COL4A2: variants seen among roughly 807,000 people sequenced by gnomAD.
COL4A2 encodes the protein collagen type IV alpha 2 chain.
A neutral mutation model predicts 200.2 loss-of-function variants in COL4A2; 99 were observed. That is an observed-to-expected ratio of 0.49 (90% CI 0.42 to 0.58). The LOEUF (loss-of-function observed/expected upper bound fraction) is 0.58, where lower values mean the gene tolerates loss of function less well. COL4A2 is among the 20% of genes least tolerant of loss of function. COL4A2 has a pLI of 0.00. For synonymous variants in COL4A2, 897 were observed against 900.6 expected, an observed-to-expected ratio of 1.00 and a Z score of 0.07; for missense variants, 1,950 against 2,314.1, an observed-to-expected ratio of 0.84 and a Z score of 3.23.
intron 4 of COL4A2, among the ~76,000 whole-genome samples, chr13:110,392,930 T>A (rs190900379): frequency 1.3e-5 from 2 of 152,344 alleles, no homozygotes; most frequent in Non-Finnish European, 2.9e-5. Context: ...GGTGGTTGAT[T>A]TTCATCCTCA....
intron 4 of COL4A2, among the ~76,000 whole-genome samples, chr13:110,363,800 G>A (rs1349284305): frequency 6.6e-6 from 1 of 152,214 alleles, no homozygotes. Context: ...CCCAAGGAGA[G>A]AATTGCGATG....
intron 17 of COL4A2, among the ~76,000 whole-genome samples, chr13:110,446,379 C>T (rs778996868): frequency 4.1e-4 from 62 of 152,272 alleles, no homozygotes; most frequent in Non-Finnish European, 6.5e-4. Context: ...AGGTGGTGCG[C>T]GGGATGCTGC....
chr13:110,457,082 G>T, intron 20 of COL4A2: 1 of 323,582 alleles, frequency 3.1e-6, no homozygotes, highest in East Asian at 5.8e-5. Flanking sequence ...GTCTGCGTGG[G>T]ACCCCAGGCG....
intron 4 of COL4A2, among the ~76,000 whole-genome samples, chr13:110,409,392 GT>G (rs1879743436): frequency 1.3e-5 from 2 of 152,334 alleles, no homozygotes; most frequent in Non-Finnish European, 2.9e-5. Flanking sequence ...CGGGTCTCTA[GT>G]TTCCCTCTCC....
At position 110,435,844 on chromosome 13, in the gene COL4A2, CT is replaced by C. The variant is rs1330811123; in HGVS notation, c.727-422del. Among the ~76,000 whole-genome samples the C allele has an allele frequency of 2.6e-5, 4 of 151,936 alleles. No homozygotes were observed. The East Asian group carries it at 7.7e-4, about 29-fold the overall frequency. On this transcript the variant is annotated intron_variant, in intron 12 of 47. Transcript: ENST00000360467. ...GATTTTTTTTATTATATAAAAACAT[CT>C]TTAGCTGGGGAAGTAGTCTTTCATT...
intron 40 of COL4A2, among the ~76,000 whole-genome samples, chr13:110,499,684 T>C (rs1883578334): frequency 6.6e-6 from 1 of 152,234 alleles, no homozygotes; most frequent in Non-Finnish European, 1.5e-5. Context: ...GTGAGACTCT[T>C]TTATGTCAGT....
Position 110,402,456 on chromosome 13 carries a change from A to T in COL4A2, c.181-22278A>T, listed in dbSNP as rs954630120. Among the ~76,000 whole-genome samples, 3 of 152,126 alleles carry T rather than the reference A, an allele frequency of 2.0e-5. No individual in the cohort carries two copies. The East Asian group carries it at 5.8e-4, about 29-fold the overall frequency. ...GACTCCATATCCGCCTTCTGGACAC[A>T]CTGGGGTGGGGATTGGTTCCTTGAG... is the stretch of plus-strand genomic sequence containing the variant. On this transcript the variant is annotated intron_variant, in intron 4 of 47. Transcript: ENST00000360467.
At position 110,462,091 on chromosome 13, in the gene COL4A2, ATTTT is replaced by A; in HGVS notation, c.1597-19_1597-16del. The A allele has an allele frequency of 6.2e-7, 1 of 1,612,688 alleles. No homozygotes were observed. Among genetic ancestry groups the A allele is most frequent in the Non-Finnish European group, 8.5e-7 (1 of 1,179,972 alleles). On this transcript the variant is annotated intron_variant, in intron 22 of 47. Coordinates refer to ENST00000360467, the MANE Select transcript of COL4A2 (RefSeq NM_001846.4). ...CCCTCACAGTACAAAGAAGGAAGAT[ATTTT>A]TTTGTCTGTTTTCCACAGGGAGTGC...
At chr13:110,312,384 C>T (rs1340589945) in intron 3 of COL4A2, among the ~76,000 whole-genome samples, 1 of 151,844 alleles carries the variant, frequency 6.6e-6, no homozygotes, top group East Asian at 1.9e-4. Flanking sequence ...GGAAAAGGTT[C>T]TAGAATAGAA....
At chr13:110,448,446 C>T (rs571503874) in intron 18 of COL4A2, among the ~76,000 whole-genome samples, 35 of 152,236 alleles carry the variant, frequency 2.3e-4, no homozygotes, top group African/African-American at 7.2e-4. Context: ...ACAACATTCC[C>T]GAGTTATTGG....
At chr13:110,495,685 C>T (rs1184243083) in intron 40 of COL4A2, among the ~76,000 whole-genome samples, 1 of 152,214 alleles carries the variant, frequency 6.6e-6, no homozygotes, top group Admixed American at 6.5e-5. Context: ...GCACTGACCA[C>T]CCATCCCGTG....
At chr13:110,409,817 GC>G (rs1016768271) in intron 4 of COL4A2, among the ~76,000 whole-genome samples, 1 of 152,096 alleles carries the variant, frequency 6.6e-6, no homozygotes, top group African/African-American at 2.4e-5. Flanking sequence ...TTCAGCATTC[GC>G]CCAAATAATC....
At chr13:110,469,376 T>C (rs1594091588) in intron 28 of COL4A2, 52 bp downstream of exon 28, 31 of 1,511,786 alleles carry the variant, frequency 2.1e-5, no homozygotes, top group African/African-American at 1.1e-4. Context: ...CGGGAACCTG[T>C]GTGTGATTCA....
chr13:110,329,572 A>G (rs905755280), intron 3 of COL4A2, among the ~76,000 whole-genome samples: 6 of 152,210 alleles, frequency 3.9e-5, no homozygotes, highest in African/African-American at 1.2e-4. Context: ...CATCCTTGGA[A>G]ATAGAGGGCA....
intron 4 of COL4A2, among the ~76,000 whole-genome samples, chr13:110,393,887 T>A (rs532222350): frequency 1.3e-5 from 2 of 152,098 alleles, no homozygotes; most frequent in Non-Finnish European, 2.9e-5. Context: ...AAAAAAAAAA[T>A]TCTTTTTTAC....
intron 20 of COL4A2, among the ~76,000 whole-genome samples, chr13:110,451,648 T>C (rs537624503): frequency 6.6e-6 from 1 of 152,296 alleles, no homozygotes; most frequent in South Asian, 2.1e-4. Flanking sequence ...GGAAACTGCC[T>C]CCATGATTCC....
In COL4A2 at chr13:110,433,094, C is replaced by T. The variant is rs575735882; in HGVS notation, c.684+734C>T. 1.6e-4 allele frequency among the ~76,000 whole-genome samples: 25 copies of T among 152,362 alleles called. No homozygotes were observed. In the South Asian group the frequency reaches 1.7e-3, roughly 10 times the overall value. ...CTTTGCCCTGTGTCCCGATGGAGGA[C>T]GTGCCAAGCCCACACGTTGCCATGC... On this transcript the variant is annotated intron_variant, in intron 11 of 47. Transcript: ENST00000360467.
At chr13:110,422,089 A>G (rs9515211) in intron 4 of COL4A2, among the ~76,000 whole-genome samples, 86,640 of 152,030 alleles carry the variant, frequency 0.57, 25,865 homozygotes, top group East Asian at 0.77. Flanking sequence ...TTTATGGGCA[A>G]TAAAGCGACA....
intron 36 of COL4A2, among the ~76,000 whole-genome samples, chr13:110,490,668 G>A (rs8002268): frequency 0.092 from 14,036 of 152,188 alleles, 780 homozygotes; most frequent in African/African-American, 0.14. Flanking sequence ...GCCATCCGGC[G>A]CTGGGCTGGC....
Sources: gnomAD v4.1 joint callset for allele counts (sites outside exome capture counted in the v4.1 genomes callset) on GRCh38, gnomAD v4.1.1 for gene constraint, MANE v1.5 for transcripts, NCBI Gene and HGNC (gene_info 2026-07-23, HGNC 2026-07-21) for gene names.